The following NAALADL2 variants were observed in gnomAD, a reference collection of about 807,000 sequenced individuals.
NAALADL2 encodes the protein inactive N-acetylated-alpha-linked acidic dipeptidase-like protein 2.
In NAALADL2, 76 loss-of-function variants were observed where a neutral mutation model predicts 87.2. The ratio of observed to expected loss-of-function variants is 0.87; its 90% confidence interval spans 0.72 to 1.05. NAALADL2 has a LOEUF of 1.05. Ranked by LOEUF, NAALADL2 falls within the 50% of genes least tolerant of loss-of-function variation. The pLI is 0.00. For missense variants in NAALADL2, 1,089 were observed against 945.8 expected (o/e 1.15, Z -1.99); for synonymous variants, 354 against 331.0 (o/e 1.07, Z -0.75).
At chr3:174,712,973 G>T (rs185964410) in intron 2 of NAALADL2, among the ~76,000 whole-genome samples, 1 of 151,648 alleles carries the variant, frequency 6.6e-6, no homozygotes, top group East Asian at 2.0e-4. Flanking sequence ...CCCACAACAG[G>T]CCCCAGTGTG....
intron 9 of NAALADL2, among the ~76,000 whole-genome samples, chr3:175,476,411 T>G (rs1582050563): frequency 6.6e-6 from 1 of 152,134 alleles, no homozygotes; most frequent in South Asian, 2.1e-4. Context: ...TAAGAGTGAG[T>G]GTGATATGTG....
intron 2 of NAALADL2, among the ~76,000 whole-genome samples, chr3:175,196,727 A>T (rs758674564): frequency 6.6e-5 from 10 of 151,986 alleles, no homozygotes; most frequent in Non-Finnish European, 1.2e-4. Flanking sequence ...AGGTTTTTGC[A>T]CCTGCTGGCA....
intron 3 of NAALADL2, among the ~76,000 whole-genome samples, chr3:174,830,857 C>T (rs1377867861): frequency 3.3e-5 from 5 of 151,802 alleles, no homozygotes; most frequent in South Asian, 4.2e-4. Context: ...GTATTTTATT[C>T]TCTTTGAAGC....
chr3:175,652,325 G>C (rs1047158684), intron 11 of NAALADL2, among the ~76,000 whole-genome samples: 3 of 152,018 alleles, frequency 2.0e-5, no homozygotes, highest in Non-Finnish European at 4.4e-5. Context: ...TATTTTGCAC[G>C]AGTTTAAATT....
At chr3:174,896,299 A>G (rs1382976373) in intron 1 of NAALADL2, among the ~76,000 whole-genome samples, 2 of 152,274 alleles carry the variant, frequency 1.3e-5, no homozygotes, top group East Asian at 3.9e-4. Flanking sequence ...CTCCACAAGA[A>G]AATTATTAGA....
intron 5 of NAALADL2, among the ~76,000 whole-genome samples, chr3:175,325,249 T>C (rs1467190017): frequency 6.6e-6 from 1 of 152,234 alleles, no homozygotes; most frequent in Non-Finnish European, 1.5e-5. Flanking sequence ...AATTAGCAAC[T>C]TTCTCCAAGA....
chr3:175,558,022 G>A (rs1436655417), intron 9 of NAALADL2, among the ~76,000 whole-genome samples: 14 of 151,636 alleles, frequency 9.2e-5, no homozygotes, highest in African/African-American at 3.1e-4. Flanking sequence ...GTGAAACCCC[G>A]TTTCTACTAA....
intron 10 of NAALADL2, among the ~76,000 whole-genome samples, chr3:175,615,983 A>G (rs1450294327): frequency 6.8e-6 from 1 of 147,452 alleles, no homozygotes; most frequent in African/African-American, 2.5e-5. Context: ...TATAATATAT[A>G]TTATATCATA....
intron 2 of NAALADL2, among the ~76,000 whole-genome samples, chr3:175,116,639 G>A (rs1161657565): frequency 2.0e-5 from 3 of 151,998 alleles, no homozygotes; most frequent in Non-Finnish European, 4.4e-5. Context: ...AATCAATATT[G>A]TGAAAATGGC....
intron 13 of NAALADL2, among the ~76,000 whole-genome samples, chr3:175,758,234 G>A (rs181843074): frequency 5.9e-5 from 9 of 152,090 alleles, no homozygotes; most frequent in Non-Finnish European, 1.3e-4. Flanking sequence ...AAGCCTCAAA[G>A]TGTCGATGGT....
At chr3:175,748,018 T>A (rs896702180) in intron 12 of NAALADL2, among the ~76,000 whole-genome samples, 33 of 152,202 alleles carry the variant, frequency 2.2e-4, no homozygotes, top group Non-Finnish European at 4.0e-4. Context: ...CTTTTTTTTT[T>A]AAAGTAACCA....
intron 1 of NAALADL2, among the ~76,000 whole-genome samples, chr3:174,490,483 C>T (rs1301453606): frequency 3.9e-5 from 6 of 152,034 alleles, no homozygotes. Flanking sequence ...ATGATTTTTG[C>T]AACCATGTGA....
chr3:174,767,565 G>T (rs1326315634), intron 3 of NAALADL2, among the ~76,000 whole-genome samples: 1 of 151,916 alleles, frequency 6.6e-6, no homozygotes. Context: ...ATGTTATGAC[G>T]CTCACAGGAA....
At chr3:175,134,451 G>T (rs1199745304) in intron 2 of NAALADL2, among the ~76,000 whole-genome samples, 3 of 152,060 alleles carry the variant, frequency 2.0e-5, no homozygotes, top group Non-Finnish European at 4.4e-5. Context: ...CCTTTTTCAT[G>T]ACTGTTTTGT....
chr3:175,075,024 C>G (rs73037203), intron 1 of NAALADL2, among the ~76,000 whole-genome samples: 1 of 151,974 alleles, frequency 6.6e-6, no homozygotes, highest in Middle Eastern at 3.2e-3. Flanking sequence ...AAACAATGGA[C>G]GAGACAGGGA....
At chr3:175,708,013 A>C (rs977948507) in intron 11 of NAALADL2, among the ~76,000 whole-genome samples, 3 of 151,894 alleles carry the variant, frequency 2.0e-5, no homozygotes, top group African/African-American at 7.2e-5. Flanking sequence ...GGAAAAAAAA[A>C]CAAACAAACG....
chr3:175,459,410 A>G (rs1483296361), intron 6 of NAALADL2, among the ~76,000 whole-genome samples: 3 of 151,998 alleles, frequency 2.0e-5, no homozygotes, highest in Non-Finnish European at 4.4e-5. Context: ...AGATCCAGAG[A>G]GGCGTAGAAA....
chr3:175,635,264 C>T (rs2149739939), intron 11 of NAALADL2, among the ~76,000 whole-genome samples: 1 of 152,022 alleles, frequency 6.6e-6, no homozygotes, highest in South Asian at 2.1e-4. Context: ...AATTATTACA[C>T]AATATGTGAT....
intron 1 of NAALADL2, among the ~76,000 whole-genome samples, chr3:175,004,750 A>G (rs183682549): frequency 1.3e-5 from 2 of 152,272 alleles, no homozygotes; most frequent in Admixed American, 1.3e-4. Context: ...AAATTATTTA[A>G]AATATTGATA....
Sources: allele counts gnomAD v4.1 joint callset (sites outside exome capture counted in the v4.1 genomes callset), GRCh38; gene constraint gnomAD v4.1.1; transcripts MANE v1.5; gene names NCBI Gene and HGNC (gene_info 2026-07-23, HGNC 2026-07-21).